Variants in ACOT7 observed in about 807,000 individuals in gnomAD.
ACOT7 encodes the protein acyl-CoA thioesterase 7.
A neutral mutation model predicts 40.2 loss-of-function variants in ACOT7; 12 were observed. The observed-to-expected ratio is 0.30, with a 90% CI of 0.19 to 0.48. ACOT7 has a LOEUF of 0.48. Ranked by LOEUF, ACOT7 falls within the 20% of genes least tolerant of loss-of-function variation. The probability of loss-of-function intolerance (pLI) is 0.99; values close to 1 mark genes in which losing one functional copy is unlikely to be tolerated. For synonymous variants in ACOT7, 228 were observed against 219.5 expected (o/e 1.04, Z -0.34); for missense variants, 395 against 530.8 (o/e 0.74, Z 2.51).
In ACOT7 at chr1:6,330,009, C is replaced by T. The variant is rs1001864288; in HGVS notation, c.511-2596G>A. On this transcript the variant is annotated intron_variant, in intron 4 of 8. Transcript: ENST00000361521. The surrounding 1 kb of genome is among the most constrained non-coding windows in gnomAD (Gnocchi z 4.6). ...TGCGCTAGACGACTGTGCGCATGGC[C>T]GGCAGCTGGGTTCCTCCAGGGAGAC... Among the ~76,000 whole-genome samples, 20 of 152,222 alleles carry T rather than the reference C, an allele frequency of 1.3e-4. No individual in the cohort carries two copies. The highest frequency in any genetic ancestry group is 3.9e-4 in the African/African-American group (16 of 41,538).
chr1:6,287,541 C>T (rs990740604), intron 7 of ACOT7, among the ~76,000 whole-genome samples: 8 of 152,188 alleles, frequency 5.3e-5, no homozygotes, highest in Admixed American at 3.3e-4. Context: ...TTAAACGTAT[C>T]GGTGCCTGTA....
intron 8 of ACOT7, among the ~76,000 whole-genome samples, chr1:6,279,551 C>T (rs745526454): frequency 6.5e-4 from 99 of 152,328 alleles, no homozygotes; most frequent in Middle Eastern, 6.8e-3. Flanking sequence ...AAGGGTGGGT[C>T]ACAGGCATTG....
chr1:6,305,172 C>T (rs1254804232), intron 6 of ACOT7, among the ~76,000 whole-genome samples: 1 of 149,664 alleles, frequency 6.7e-6, no homozygotes, highest in African/African-American at 2.5e-5. Flanking sequence ...CCTCACCTCC[C>T]GGATGAGGCG....
rs542519140 is a variant in ACOT7 at position 6,311,437 on chromosome 1, G to C, written c.712+7055C>G. Among the ~76,000 whole-genome samples, 13 of 152,276 alleles carry C rather than the reference G, an allele frequency of 8.5e-5. No individual in the cohort carries two copies. Among genetic ancestry groups the C allele is most frequent in the African/African-American group, 2.9e-4 (12 of 41,568 alleles). On this transcript the variant is annotated intron_variant, in intron 6 of 8. Transcript: ENST00000361521. The surrounding 1 kb of genome is among the most constrained non-coding windows in gnomAD (Gnocchi z 5.2). Reference sequence around the variant, plus strand: ...ACAGGCTGATGTACCACAAAGGTGCGGTGTTGGGGGTGCCAGCCGGGTCAG... The same window carrying C: ...ACAGGCTGATGTACCACAAAGGTGCCGTGTTGGGGGTGCCAGCCGGGTCAG...
intron 8 of ACOT7, among the ~76,000 whole-genome samples, chr1:6,280,805 G>A (rs1247205432): frequency 1.3e-5 from 2 of 152,218 alleles, no homozygotes; most frequent in East Asian, 1.9e-4. Flanking sequence ...CCATGCTAAG[G>A]CGCTCTTAAA....
chr1:6,357,237 CAA>C lies in ACOT7; in HGVS notation c.144-7373_144-7372del, dbSNP rs534921657. On this transcript the variant is annotated intron_variant, in intron 1 of 8. Transcript: ENST00000361521. Reference sequence around the variant, plus strand: ...GGGCAACAAGAGCGAAACTCCGCCTCAAAAAAAAAAAAAGTCAGTGCTAAAAT... The same window carrying C: ...GGGCAACAAGAGCGAAACTCCGCCTCAAAAAAAAAAAGTCAGTGCTAAAAT... 2.4e-3 allele frequency among the ~76,000 whole-genome samples: 336 copies of C among 139,048 alleles called. 2 individuals are homozygous for C. Among genetic ancestry groups the C allele is most frequent in the Non-Finnish European group, 3.4e-3 (217 of 63,530 alleles). The allele number at this position is 139,048 out of a possible 152,430, so 91.2% of individuals were successfully genotyped here. A position where few individuals can be genotyped will look rare whatever the true frequency, so the allele number is the denominator to read the frequency against.
Position 6,267,910 on chromosome 1 carries a change from C to T in ACOT7, c.1015-3215G>A, listed in dbSNP as rs1305777899. Among the ~76,000 whole-genome samples the T allele has an allele frequency of 2.0e-5, 3 of 152,206 alleles. No homozygotes were observed. The East Asian group carries it at 5.8e-4, about 29-fold the overall frequency. The stretch of plus-strand genomic sequence containing the variant: ...TTTTGTAAAATGGGCCAATGTCCAC[C>T]TCACAGCAGAGTTGCGGGGACCAAA... On this transcript the variant is annotated intron_variant, in intron 8 of 8. Coordinates refer to ENST00000361521, the MANE Select transcript of ACOT7 (RefSeq NM_007274.4).
At position 6,294,492 on chromosome 1, in the gene ACOT7, A is replaced by G. The variant is rs1639758711; in HGVS notation, c.829+372T>C. Among the ~76,000 whole-genome samples the G allele has an allele frequency of 6.6e-6, 1 of 152,172 alleles. No individual in the cohort carries two copies. The highest frequency in any genetic ancestry group is 1.5e-5 in the Non-Finnish European group (1 of 68,018). On this transcript the variant is annotated intron_variant, in intron 7 of 8. Transcript: ENST00000361521. The surrounding 1 kb of genome is among the most constrained non-coding windows in gnomAD (Gnocchi z 4.6). ...CTGTACTGACCCTGCCACTGCCTAA[A>G]TCATGAATCATTAATTCCGCTCCCA... is the stretch of plus-strand genomic sequence containing the variant.
chr1:6,276,681 C>CA (rs1382298077), intron 8 of ACOT7, among the ~76,000 whole-genome samples: 1 of 151,984 alleles, frequency 6.6e-6, no homozygotes, highest in Non-Finnish European at 1.5e-5. Flanking sequence ...ACGGAGCACA[C>CA]ACGTGCTCCC....
Position 6,299,855 on chromosome 1 carries a change from G to A in ACOT7, c.713-4875C>T, listed in dbSNP as rs765873590. ...CACACAGCCAGCACAGGTGTGCCACGGAATTCCACGGCATTTCCCACAGAC... is the reference window on the plus strand; with the variant it reads ...CACACAGCCAGCACAGGTGTGCCACAGAATTCCACGGCATTTCCCACAGAC... On this transcript the variant is annotated intron_variant, in intron 6 of 8. Transcript: ENST00000361521. This position sits in a 1 kb window ranked among gnomAD's most constrained non-coding sequence, Gnocchi z 4.1. 3.9e-5 allele frequency among the ~76,000 whole-genome samples: 6 copies of A among 152,194 alleles called. No homozygotes were observed. The highest frequency in any genetic ancestry group is 2.1e-4 in the South Asian group (1 of 4,834).
chr1:6,357,766 G>A (rs1201293758), intron 1 of ACOT7, among the ~76,000 whole-genome samples: 1 of 152,160 alleles, frequency 6.6e-6, no homozygotes, highest in Non-Finnish European at 1.5e-5. Flanking sequence ...ACAGGCACGT[G>A]GATGGGTGTG....
intron 1 of ACOT7, among the ~76,000 whole-genome samples, chr1:6,378,490 C>T (rs1416368490): frequency 1.3e-5 from 2 of 151,926 alleles, no homozygotes; most frequent in African/African-American, 4.8e-5. Context: ...CCTCCTGAAT[C>T]AGGGACTTGG....
intron 7 of ACOT7, among the ~76,000 whole-genome samples, chr1:6,284,544 C>A (rs1178278724): frequency 6.8e-6 from 1 of 147,398 alleles, no homozygotes; most frequent in Non-Finnish European, 1.5e-5. Context: ...CCATTGCACT[C>A]CAGCCTGGGC....
chr1:6,381,931 G>A (rs1437674906), intron 1 of ACOT7, among the ~76,000 whole-genome samples: 3 of 142,112 alleles, frequency 2.1e-5, no homozygotes, highest in East Asian at 2.1e-4. Context: ...TCAGGAGATC[G>A]AGACCATCCT....
chr1:6,335,987 C>A (rs1012043232), intron 3 of ACOT7, among the ~76,000 whole-genome samples: 5 of 152,166 alleles, frequency 3.3e-5, no homozygotes, highest in African/African-American at 1.2e-4. Flanking sequence ...GCAAATGAGG[C>A]AAACATGCTA....
chr1:6,360,422 G>T, intron 1 of ACOT7: 2 of 1,170,696 alleles, frequency 1.7e-6, no homozygotes, highest in Non-Finnish European at 2.4e-6. Flanking sequence ...TGCCCATCTC[G>T]GCCCATCTTC....
At chr1:6,322,747 A>C (rs972304781) in intron 5 of ACOT7, among the ~76,000 whole-genome samples, 1 of 152,236 alleles carries the variant, frequency 6.6e-6, no homozygotes, top group Non-Finnish European at 1.5e-5. Context: ...ATTCAGTGAC[A>C]TTCTGAGGGA....
chr1:6,337,068 C>G (rs1449595021), intron 3 of ACOT7, among the ~76,000 whole-genome samples: 1 of 152,254 alleles, frequency 6.6e-6, no homozygotes, highest in Non-Finnish European at 1.5e-5. Flanking sequence ...CTGGGAAAAG[C>G]CTTCATGTGC....
Position 6,311,566 on chromosome 1 carries a change from G to A in ACOT7, c.712+6926C>T, listed in dbSNP as rs1350134469. ...CAACTCCCTCCGTCCCCAGCTATTG[G>A]GGTCTCTTGTGGTATAATTCAGGGA... On this transcript the variant is annotated intron_variant, in intron 6 of 8. Coordinates refer to ENST00000361521, the MANE Select transcript of ACOT7 (RefSeq NM_007274.4). The surrounding 1 kb of genome is among the most constrained non-coding windows in gnomAD (Gnocchi z 5.2). Among the ~76,000 whole-genome samples, 1 of 152,170 alleles carries A rather than the reference G, an allele frequency of 6.6e-6. No homozygotes were observed. Among genetic ancestry groups the A allele is most frequent in the African/African-American group, 2.4e-5 (1 of 41,430 alleles).
Sources: allele counts gnomAD v4.1 joint callset (sites outside exome capture counted in the v4.1 genomes callset), GRCh38; gene constraint gnomAD v4.1.1; non-coding constraint Gnocchi (gnomAD v3.1); transcripts MANE v1.5; gene names NCBI Gene and HGNC (gene_info 2026-07-23, HGNC 2026-07-21).